HBS1L: variants seen among roughly 807,000 people sequenced by gnomAD.
HBS1L encodes the protein HBS1-like protein.
Under a neutral mutation model 88.9 loss-of-function variants are expected in HBS1L, and 55 were observed. The ratio of observed to expected loss-of-function variants is 0.62; its 90% CI spans 0.50 to 0.77. The LOEUF (loss-of-function observed/expected upper bound fraction) is 0.77, where lower values mean the gene tolerates loss of function less well. Among genes scored for constraint, HBS1L ranks in the 30% least tolerant of loss-of-function variants. The pLI is 0.00. For synonymous variants in HBS1L, 267 were observed against 288.5 expected, an observed-to-expected ratio of 0.93 and a Z score of 0.76; for missense variants, 741 against 829.3, an observed-to-expected ratio of 0.89 and a Z score of 1.31.
intron 8 of HBS1L, among the ~76,000 whole-genome samples, chr6:134,988,729 C>T (rs974474004): frequency 1.7e-4 from 26 of 152,130 alleles, no homozygotes; most frequent in Non-Finnish European, 1.0e-4. Flanking sequence ...ACTGTAGGTG[C>T]ACCACCTTCC....
chr6:135,039,595 T>C lies in HBS1L; in HGVS notation c.408A>G (p.Val136=). The stretch of plus-strand genomic sequence containing the variant: ...TACCTTTTGCTATCTTTCCTGTAGA[T>C]ACTGTTGCCTCATTCTTGTCCTTCA... ...QSLKDKNEAT[V]STGKIAKGKP... Residue 136 remains valine (V), a synonymous_variant, in exon 4 of 18, where the codon GTA becomes GTG. Transcript: ENST00000367837. 1.2e-6 allele frequency: 2 copies of C among 1,614,118 alleles called. No individual in the cohort carries two copies. The highest frequency in any genetic ancestry group is 1.7e-6 in the Non-Finnish European group (2 of 1,179,986).
At chr6:135,000,354 C>T (rs760319976) in intron 5 of HBS1L, among the ~76,000 whole-genome samples, 2 of 151,564 alleles carry the variant, frequency 1.3e-5, no homozygotes, top group African/African-American at 2.4e-5. Context: ...AGCCACAATG[C>T]CCACCCTGTA....
rs1459759414 is a variant in HBS1L, at chr6:134,963,971, T to C, written c.*1308A>G. Reference sequence around the variant, plus strand: ...TTTAAATAAAACTTTCTTAACTCAGTGAATCTGAAGTGACAACTACACATG... The same window carrying C: ...TTTAAATAAAACTTTCTTAACTCAGCGAATCTGAAGTGACAACTACACATG... On this transcript the variant is annotated 3_prime_UTR_variant, in exon 18 of 18. Transcript: ENST00000367837. 1 of 152,198 alleles carries C rather than the reference T, an allele frequency of 6.6e-6. No individual in the cohort carries two copies. Among genetic ancestry groups the C allele is most frequent in the Non-Finnish European group, 1.5e-5 (1 of 68,042 alleles). 9.4% of individuals were successfully genotyped at this position (152,198 alleles called of 1,614,324 possible). A position where few individuals can be genotyped will look rare whatever the true frequency, so the allele number is the denominator to read the frequency against.
intron 8 of HBS1L, among the ~76,000 whole-genome samples, chr6:134,991,961 A>G (rs775628620): frequency 1.3e-5 from 2 of 152,140 alleles, no homozygotes; most frequent in Non-Finnish European, 2.9e-5. Flanking sequence ...CCAGCTACTC[A>G]GGAGGCTGGG....
At chr6:134,969,376 A>G in intron 15 of HBS1L, 38 bp from the exon 16 acceptor site, 1 of 1,239,836 alleles carries the variant, frequency 8.1e-7, no homozygotes, top group Non-Finnish European at 1.2e-6. Flanking sequence ...ATCTGCTACC[A>G]CAGTATCTCT....
intron 10 of HBS1L, 133 bp from the exon 11 acceptor site, chr6:134,986,316 CT>C: frequency 1.6e-6 from 1 of 614,686 alleles, no homozygotes. Context: ...AATCACAGAA[CT>C]ACAGCCCCAA....
Position 134,985,455 on chromosome 6 carries a change from A to G in HBS1L, c.1424-46T>C, listed in dbSNP as rs1254368447. Reference sequence around the variant, plus strand: ...AAGGCAAGGTTTAATTTAAAATTAAATTTTTGACTCACTTCAATAAACTCA... The same window carrying G: ...AAGGCAAGGTTTAATTTAAAATTAAGTTTTTGACTCACTTCAATAAACTCA... On this transcript the variant is annotated intron_variant, in intron 11 of 17. Transcript: ENST00000367837. 3.2e-6 allele frequency: 4 copies of G among 1,254,204 alleles called. No homozygotes were observed. In the South Asian group the frequency reaches 4.0e-5, roughly 13 times the overall value. The allele number at this position is 1,254,204 out of a possible 1,614,324, so 77.7% of individuals were successfully genotyped here. A position where few individuals can be genotyped will look rare whatever the true frequency, so the allele number is the denominator to read the frequency against.
chr6:134,979,347 T>G, intron 13 of HBS1L, 79 bp from the exon 14 acceptor site: 1 of 986,344 alleles, frequency 1.0e-6, no homozygotes, highest in Non-Finnish European at 1.6e-6. Context: ...TTTGGCTGAT[T>G]TGTGCTTCAT....
chr6:134,994,757 A>C (rs1363178547), intron 7 of HBS1L, among the ~76,000 whole-genome samples: 1 of 152,074 alleles, frequency 6.6e-6, no homozygotes, highest in African/African-American at 2.4e-5. Flanking sequence ...GAGCATTTCA[A>C]ATTTCATATT....
At chr6:134,969,191 A>T (rs1449732226) in intron 16 of HBS1L, 47 bp downstream of exon 16, 1 of 1,221,424 alleles carries the variant, frequency 8.2e-7, no homozygotes, top group African/African-American at 1.5e-5. Flanking sequence ...ATCTTTAAAA[A>T]ATTGGCTTAA....
intron 16 of HBS1L, among the ~76,000 whole-genome samples, chr6:134,967,056 C>G (rs1007686278): frequency 2.6e-5 from 4 of 152,138 alleles, no homozygotes; most frequent in Admixed American, 2.6e-4. Context: ...GGACAAAAAT[C>G]ACATAAGTAG....
chr6:135,051,325 C>T (rs947437305), intron 1 of HBS1L, among the ~76,000 whole-genome samples: 2 of 152,022 alleles, frequency 1.3e-5, no homozygotes, highest in African/African-American at 2.4e-5. Context: ...CCCTCTAAAA[C>T]CAAAGCACTT....
intron 2 of HBS1L, among the ~76,000 whole-genome samples, 183 bp downstream of exon 2, chr6:135,050,399 T>C (rs1777044920): frequency 6.6e-6 from 1 of 152,182 alleles, no homozygotes; most frequent in African/African-American, 2.4e-5. Flanking sequence ...AATAATAGAA[T>C]CACAAATTTA....
In HBS1L at chr6:135,037,584, G is replaced by A. The variant is rs1168776027; in HGVS notation, c.430+1989C>T. ...TATATAAAGAATTATTCGGTGTTGT[G>A]CCCTTTATGATTATGGTCTTTAAAT... On this transcript the variant is annotated intron_variant, in intron 4 of 17. Transcript: ENST00000367837. 3.9e-6 allele frequency: 6 copies of A among 1,547,634 alleles called. No homozygotes were observed. In the South Asian group the frequency reaches 7.2e-5, roughly 19 times the overall value.
At chr6:135,028,865 ATCT>A (rs146280166) in intron 4 of HBS1L, among the ~76,000 whole-genome samples, 2,119 of 152,202 alleles carry the variant, frequency 0.014, 67 homozygotes, top group African/African-American at 0.048. Context: ...TTATAGCTGG[ATCT>A]TCTTCTTTTT....
At position 134,962,794 on chromosome 6, in the gene HBS1L, T is replaced by C. The variant is rs1774214873; in HGVS notation, c.*2485A>G. On this transcript the variant is annotated 3_prime_UTR_variant, in exon 18 of 18. Transcript: ENST00000367837. The stretch of plus-strand genomic sequence containing the variant: ...CACAAAATGGATGTACTATAAATTA[T>C]GGATGAAAGTAACAGGGTAGGAAAT... 1 of 152,238 alleles carries C rather than the reference T, an allele frequency of 6.6e-6. No homozygotes were observed. 9.4% of individuals were successfully genotyped at this position (152,238 alleles called of 1,614,324 possible).
At chr6:134,974,379 A>G (rs1774582072) in intron 15 of HBS1L, among the ~76,000 whole-genome samples, 1 of 152,182 alleles carries the variant, frequency 6.6e-6, no homozygotes, top group Non-Finnish European at 1.5e-5. Context: ...AGACTGAGAA[A>G]GAGAGAATCT....
intron 4 of HBS1L, among the ~76,000 whole-genome samples, chr6:135,006,918 A>T (rs957104632): frequency 5.3e-5 from 8 of 152,082 alleles, no homozygotes. Flanking sequence ...AGGAAAAAAA[A>T]ACATAGAGCA....
At chr6:135,034,146 TAA>T (rs543362165) in intron 4 of HBS1L, among the ~76,000 whole-genome samples, 3 of 144,360 alleles carry the variant, frequency 2.1e-5, no homozygotes, top group African/African-American at 7.6e-5. Context: ...GTGTTTGGTT[TAA>T]AAAAAAAAAA....
Sources: allele counts gnomAD v4.1 joint callset (sites outside exome capture counted in the v4.1 genomes callset), GRCh38; gene constraint gnomAD v4.1.1; transcripts MANE v1.5; gene names NCBI Gene and HGNC (gene_info 2026-07-23, HGNC 2026-07-21).